The following SERPINB7 variants were observed in gnomAD, a reference collection of about 807,000 sequenced individuals.
The protein encoded by SERPINB7 is serpin family B member 7.
In SERPINB7, 31 loss-of-function variants were observed where a neutral mutation model predicts 37.4. That is an observed-to-expected ratio of 0.83 (90% CI 0.62 to 1.12). SERPINB7 has a LOEUF of 1.12. Among genes scored for constraint, SERPINB7 ranks in the 50% most tolerant of loss-of-function variants. The pLI, the probability that SERPINB7 is intolerant of heterozygous loss-of-function variation, is 0.00. For synonymous variants in SERPINB7, 163 were observed against 166.1 expected (o/e 0.98, Z 0.14); for missense variants, 521 against 455.3 (o/e 1.14, Z -1.31).
At position 63,792,397 on chromosome 18, in the gene SERPINB7, T is replaced by C. The variant is rs1412974860; in HGVS notation, c.173T>C (p.Leu58Pro). The C allele has an allele frequency of 1.2e-6, 2 of 1,600,660 alleles. No homozygotes were observed. Among genetic ancestry groups the C allele is most frequent in the Non-Finnish European group, 1.7e-6 (2 of 1,167,820 alleles). The change falls in exon 3 of 8, where the codon CTT (leucine) becomes CCT (proline). Residue 58 changes from leucine to proline, a missense_variant. Physicochemically the swap from Leu to Pro is moderately conservative, Grantham distance 98. Transcript: ENST00000398019. ...DDSLSQIDKL[L>P]HVNTASGYGN... ...TTCCTTGTGCCCTGTTTACAGTTGC[T>C]TCATGTTAACACTGCCTCAGGATAT... is the stretch of plus-strand genomic sequence containing the variant.
chr18:63,769,466 C>T (rs2144593062), intron 1 of SERPINB7, among the ~76,000 whole-genome samples: 1 of 152,202 alleles, frequency 6.6e-6, no homozygotes, highest in Admixed American at 6.5e-5. Flanking sequence ...GTGTTGACAT[C>T]TGCTGATTGT....
At chr18:63,790,172 T>G (rs1599012482) in intron 2 of SERPINB7, among the ~76,000 whole-genome samples, 1 of 152,354 alleles carries the variant, frequency 6.6e-6, no homozygotes, top group South Asian at 2.1e-4. Flanking sequence ...AGCTTTCCAG[T>G]TTTATTATAT....
At chr18:63,801,357 G>A (rs1419488292) in intron 7 of SERPINB7, among the ~76,000 whole-genome samples, 1 of 152,126 alleles carries the variant, frequency 6.6e-6, no homozygotes, top group African/African-American at 2.4e-5. Flanking sequence ...TTGCTAGACT[G>A]AGCATCTTTA....
intron 1 of SERPINB7, among the ~76,000 whole-genome samples, chr18:63,768,827 A>G (rs1209749926): frequency 6.6e-6 from 1 of 152,026 alleles, no homozygotes; most frequent in African/African-American, 2.4e-5. Context: ...CCCTGGCCCC[A>G]GTCTACTACT....
At chr18:63,794,488 A>C (rs1365233384) in intron 4 of SERPINB7, among the ~76,000 whole-genome samples, 1 of 152,012 alleles carries the variant, frequency 6.6e-6, no homozygotes, top group Non-Finnish European at 1.5e-5. Flanking sequence ...CAGGAGGTCA[A>C]GACCATCCTG....
chr18:63,783,233 A>AGAGAGAAG, intron 2 of SERPINB7, among the ~76,000 whole-genome samples: 1 of 65,160 alleles, frequency 1.5e-5, no homozygotes, highest in South Asian at 6.4e-4. Flanking sequence ...AGAGAGAGAG[A>AGAGAGAAG]GAAAGAAAGA....
intron 4 of SERPINB7, among the ~76,000 whole-genome samples, chr18:63,795,110 G>A (rs1171979740): frequency 1.3e-5 from 2 of 152,196 alleles, no homozygotes; most frequent in Non-Finnish European, 2.9e-5. Context: ...AAGGCAATGT[G>A]TTAGGTACTG....
Position 63,757,659 on chromosome 18 carries a change from G to C in SERPINB7, c.-19+4539G>C, listed in dbSNP as rs2049129517. 2.0e-5 allele frequency among the ~76,000 whole-genome samples: 3 copies of C among 152,180 alleles called. No homozygotes were observed. In the South Asian group the frequency reaches 6.2e-4, roughly 32 times the overall value. ...ACTGCTGAAAAATTGAGTTGTGCTGGATGAATGCATGGCCCACAAAGCCAG... is the reference window on the plus strand; with the variant it reads ...ACTGCTGAAAAATTGAGTTGTGCTGCATGAATGCATGGCCCACAAAGCCAG... On this transcript the variant is annotated intron_variant, in intron 1 of 7. Coordinates refer to the SERPINB7 transcript ENST00000336429.
At chr18:63,780,864 C>A (rs991639215) in intron 1 of SERPINB7, among the ~76,000 whole-genome samples, 3 of 152,096 alleles carry the variant, frequency 2.0e-5, no homozygotes, top group Non-Finnish European at 4.4e-5. Context: ...AGTATGGGTC[C>A]CTCAGGGACA....
chr18:63,782,521 C>G lies in SERPINB7; in HGVS notation c.149C>G (p.Ser50Cys). The G allele has an allele frequency of 1.2e-6, 2 of 1,612,700 alleles. No individual in the cohort carries two copies. Among genetic ancestry groups the G allele is most frequent in the Non-Finnish European group, 1.7e-6 (2 of 1,179,342 alleles). The change falls in exon 2 of 8, where the codon TCC becomes TGC. Residue 50 changes from serine to cysteine, a missense_variant. Coordinates refer to ENST00000398019, the MANE Select transcript of SERPINB7 (RefSeq NM_003784.4). ...ALVRLGAQDD[S>C]LSQIDKLLHV... Reference sequence around the variant, plus strand: ...GTCCGCTTGGGCGCTCAAGATGACTCCCTCTCTCAGATTGATAAGGTCAGT... The same window carrying G: ...GTCCGCTTGGGCGCTCAAGATGACTGCCTCTCTCAGATTGATAAGGTCAGT...
intron 1 of SERPINB7, among the ~76,000 whole-genome samples, chr18:63,760,414 T>A (rs1403383722): frequency 1.3e-5 from 2 of 152,202 alleles, no homozygotes; most frequent in African/African-American, 2.4e-5. Context: ...GAGCAAAAAG[T>A]TTGGAAAATT....
upstream of SERPINB7, among the ~76,000 whole-genome samples, chr18:63,772,792 C>T (rs987614112): frequency 3.9e-5 from 6 of 152,162 alleles, no homozygotes; most frequent in Non-Finnish European, 8.8e-5. Flanking sequence ...GTTGGGGCCA[C>T]GACAACGTGA....
intron 1 of SERPINB7, chr18:63,777,954 CT>C: frequency 6.7e-6 from 1 of 148,800 alleles, no homozygotes; most frequent in East Asian, 2.1e-4. Flanking sequence ...AGAAATAAAT[CT>C]TGGTTACTTT....
Position 63,782,406 on chromosome 18 carries a change from T to A in SERPINB7, c.34T>A (p.Cys12Ser). 1 of 1,613,482 alleles carries A rather than the reference T, an allele frequency of 6.2e-7. No individual in the cohort carries two copies. Among genetic ancestry groups the A allele is most frequent in the Non-Finnish European group, 8.5e-7 (1 of 1,179,650 alleles). ...CCTTGCTGCAGCAAATGCAGAGTTT[T>A]GCTTCAACCTGTTCAGAGAGATGGA... ...ASLAAANAEF[C>S]FNLFREMDDN... is the part of the protein sequence containing the mutation. Residue 12 changes from cysteine (C) to serine (S), a missense_variant, in exon 2 of 8, where the codon TGC becomes AGC. Transcript: ENST00000398019.
upstream of SERPINB7, among the ~76,000 whole-genome samples, chr18:63,770,843 CTTACT>C (rs2049206016): frequency 6.7e-6 from 1 of 150,030 alleles, no homozygotes; most frequent in Non-Finnish European, 1.5e-5. Flanking sequence ...CTTTTACAAC[CTTACT>C]TTATTTTATT....
At chr18:63,777,893 CA>C (rs2049264728) in intron 1 of SERPINB7, 1 of 145,620 alleles carries the variant, frequency 6.9e-6, no homozygotes, top group South Asian at 2.2e-4. Context: ...CACACACACA[CA>C]CACACACACA....
In SERPINB7 at chr18:63,804,905, A is replaced by C; in HGVS notation, c.*270A>C. ...ACGCTCATTTCTATCATTCTCCCCC[A>C]TGACCCGTCTGGAAATTATGGAGAG... On this transcript the variant is annotated 3_prime_UTR_variant, in exon 8 of 8. Coordinates refer to ENST00000398019, the MANE Select transcript of SERPINB7 (RefSeq NM_003784.4). The C allele has an allele frequency of 1.5e-5, 6 of 408,608 alleles. No homozygotes were observed. The highest frequency in any genetic ancestry group is 2.6e-5 in the Non-Finnish European group (6 of 230,328). The allele number at this position is 408,608 out of a possible 1,614,324, so 25.3% of individuals were successfully genotyped here.
In SERPINB7 at chr18:63,786,142, T is replaced by C. The variant is rs201098882; in HGVS notation, c.168+3602T>C. Among the ~76,000 whole-genome samples, 65 of 45,980 alleles carry C rather than the reference T, an allele frequency of 1.4e-3. 1 individual carries two copies. The highest frequency in any genetic ancestry group is 3.1e-3 in the South Asian group (4 of 1,306). The allele number at this position is 45,980 out of a possible 152,430, so 30.2% of individuals were successfully genotyped here. A position where few individuals can be genotyped will look rare whatever the true frequency, so the allele number is the denominator to read the frequency against. On this transcript the variant is annotated intron_variant, in intron 2 of 7. Transcript: ENST00000398019. Reference sequence around the variant, plus strand: ...GTATATATATACGTATATACATATATACACACACACACACACACACACACC... The same window carrying C: ...GTATATATATACGTATATACATATACACACACACACACACACACACACACC...
chr18:63,785,962 C>T (rs1181033271), intron 2 of SERPINB7, among the ~76,000 whole-genome samples: 2 of 135,174 alleles, frequency 1.5e-5, no homozygotes, highest in Non-Finnish European at 3.1e-5. Flanking sequence ...CTTATATATA[C>T]ACATATATAA....
Sources: gnomAD v4.1 joint callset for allele counts (sites outside exome capture counted in the v4.1 genomes callset) on GRCh38, gnomAD v4.1.1 for gene constraint, MANE v1.5 for transcripts, NCBI Gene and HGNC (gene_info 2026-07-23, HGNC 2026-07-21) for gene names.